The following GRB2 variants were observed in gnomAD, a reference collection of about 807,000 sequenced individuals.
GRB2 encodes the protein growth factor receptor bound protein 2, also known as growth factor receptor-bound protein 2.
In GRB2, 2 loss-of-function variants were observed where a neutral mutation model predicts 27.4. The observed-to-expected ratio is 0.07, with a 90% CI of 0.03 to 0.23. The LOEUF is 0.23. GRB2 is among the 10% of genes least tolerant of loss of function. GRB2 has a pLI of 1.00. For missense variants in GRB2, 102 were observed against 282.4 expected, an observed-to-expected ratio of 0.36 and a Z score of 4.58; for synonymous variants, 94 against 99.6, an observed-to-expected ratio of 0.94 and a Z score of 0.33.
At chr17:75,393,835 T>A (rs75531505) in intron 1 of GRB2, 70 bp from the exon 2 acceptor site, 2 of 553,124 alleles carry the variant, frequency 3.6e-6, no homozygotes, top group African/African-American at 1.9e-5. Flanking sequence ...CCAATCGGCC[T>A]GCTGTCCCAG....
chr17:75,341,469 A>C (rs994195609), intron 2 of GRB2, among the ~76,000 whole-genome samples: 21 of 133,868 alleles, frequency 1.6e-4, no homozygotes, highest in Admixed American at 1.4e-3. Context: ...AAAAAAAAAA[A>C]CACAAAAGAA....
At chr17:75,352,069 G>A (rs1416939100) in intron 2 of GRB2, among the ~76,000 whole-genome samples, 1 of 152,182 alleles carries the variant, frequency 6.6e-6, no homozygotes, top group Non-Finnish European at 1.5e-5. Flanking sequence ...ATTGTTAACA[G>A]GCAGGCTAAA....
chr17:75,327,439 C>T (rs556822217), intron 3 of GRB2, among the ~76,000 whole-genome samples: 3 of 147,654 alleles, frequency 2.0e-5, no homozygotes, highest in Non-Finnish European at 3.0e-5. Flanking sequence ...GGCACGATCT[C>T]GGCTCACTGC....
chr17:75,379,735 A>G (rs1273581703), intron 2 of GRB2, among the ~76,000 whole-genome samples: 2 of 152,186 alleles, frequency 1.3e-5, no homozygotes, highest in Non-Finnish European at 2.9e-5. Flanking sequence ...AAAACCCACT[A>G]TTAATTTCAG....
At position 75,318,253 on chromosome 17, in the gene GRB2, A is replaced by T. The variant is rs2078429528; in HGVS notation, c.*2115T>A. On this transcript the variant is annotated 3_prime_UTR_variant, in exon 6 of 6. Transcript: ENST00000316804. ...TGATATACACCAATTCCAAAATAAA[A>T]CAATCAAATGGTCCAGGTGTAGAAT... 6.6e-6 allele frequency: 1 copy of T among 152,252 alleles called. No individual in the cohort carries two copies. The highest frequency in any genetic ancestry group is 1.5e-5 in the Non-Finnish European group (1 of 68,046). 9.4% of individuals were successfully genotyped at this position (152,252 alleles called of 1,614,324 possible).
At chr17:75,330,818 C>G (rs535206070) in intron 3 of GRB2, among the ~76,000 whole-genome samples, 2 of 152,216 alleles carry the variant, frequency 1.3e-5, no homozygotes, top group African/African-American at 4.8e-5. Context: ...CCCGTAGGCT[C>G]CCATCCATAT....
intron 2 of GRB2, among the ~76,000 whole-genome samples, chr17:75,334,752 C>A (rs1176814561): frequency 6.6e-6 from 1 of 152,006 alleles, no homozygotes; most frequent in Non-Finnish European, 1.5e-5. Context: ...CCAGCCTGGG[C>A]AACATAGTGA....
intron 2 of GRB2, among the ~76,000 whole-genome samples, chr17:75,368,064 G>A (rs1421532417): frequency 3.3e-5 from 5 of 151,826 alleles, no homozygotes; most frequent in East Asian, 1.9e-4. Flanking sequence ...ACAGGCACTC[G>A]CCACCACGCC....
At chr17:75,338,963 G>C in intron 2 of GRB2, 1 of 1,169,490 alleles carries the variant, frequency 8.6e-7, no homozygotes, top group Non-Finnish European at 1.3e-6. Context: ...AGGAAGCAGA[G>C]TGGCTATGGT....
intron 2 of GRB2, among the ~76,000 whole-genome samples, chr17:75,343,252 T>C (rs2078633646): frequency 6.6e-6 from 1 of 152,044 alleles, no homozygotes; most frequent in African/African-American, 2.4e-5. Context: ...TCTGCCTGTC[T>C]GACTTGTGAC....
chr17:75,321,918 C>G, intron 4 of GRB2, 91 bp from the exon 5 acceptor site: 1 of 1,261,872 alleles, frequency 7.9e-7, no homozygotes, highest in Admixed American at 2.0e-5. Context: ...TCGAGAGAAC[C>G]ACTGTCCCAG....
chr17:75,345,023 G>A (rs968083302), intron 2 of GRB2, among the ~76,000 whole-genome samples: 2 of 151,860 alleles, frequency 1.3e-5, no homozygotes, highest in African/African-American at 4.8e-5. Flanking sequence ...AATGACAACA[G>A]AGGTTTTTTT....
At chr17:75,379,256 C>CATTT (rs1419596008) in intron 2 of GRB2, among the ~76,000 whole-genome samples, 2 of 152,008 alleles carry the variant, frequency 1.3e-5, no homozygotes, top group Non-Finnish European at 2.9e-5. Flanking sequence ...ATGAGTGAGA[C>CATTT]ATTTATTTAT....
intron 2 of GRB2, among the ~76,000 whole-genome samples, chr17:75,350,590 C>T (rs886863662): frequency 2.0e-5 from 3 of 152,172 alleles, no homozygotes; most frequent in African/African-American, 7.2e-5. Flanking sequence ...CTCCTGGGTT[C>T]ACACCATTCT....
chr17:75,402,224 G>A (rs912839520), intron 1 of GRB2, among the ~76,000 whole-genome samples: 1 of 152,136 alleles, frequency 6.6e-6, no homozygotes, highest in Non-Finnish European at 1.5e-5. Flanking sequence ...AGTTATATGG[G>A]TACTGGAAGT....
intron 2 of GRB2, among the ~76,000 whole-genome samples, chr17:75,356,067 C>T (rs1279727263): frequency 6.6e-6 from 1 of 151,972 alleles, no homozygotes; most frequent in African/African-American, 2.4e-5. Flanking sequence ...CTCCTGAGCT[C>T]AGGTAATCCA....
chr17:75,325,846 T>G, intron 4 of GRB2, 52 bp downstream of exon 4: 1 of 1,600,800 alleles, frequency 6.2e-7, no homozygotes, highest in Admixed American at 1.7e-5. Flanking sequence ...GGCTTCACAA[T>G]TTGGATCAGT....
intron 3 of GRB2, among the ~76,000 whole-genome samples, chr17:75,331,832 G>C (rs2145825549): frequency 6.6e-6 from 1 of 152,304 alleles, no homozygotes; most frequent in Middle Eastern, 3.4e-3. Flanking sequence ...GACGACTGAA[G>C]GAAACAGAAG....
At chr17:75,397,269 C>A (rs2079034630) in intron 1 of GRB2, among the ~76,000 whole-genome samples, 1 of 152,106 alleles carries the variant, frequency 6.6e-6, no homozygotes, top group African/African-American at 2.4e-5. Context: ...AACACATACA[C>A]AACACTAATT....
Sources: gnomAD v4.1 joint callset for allele counts (sites outside exome capture counted in the v4.1 genomes callset) on GRCh38, gnomAD v4.1.1 for gene constraint, MANE v1.5 for transcripts, NCBI Gene and HGNC (gene_info 2026-07-23, HGNC 2026-07-21) for gene names.